The following NTM variants were observed in gnomAD, a reference collection of about 807,000 sequenced individuals.
NTM encodes neurotrimin, also known as IgLON family member 2.
A neutral mutation model predicts 42.1 loss-of-function variants in NTM; 13 were observed. The ratio of observed to expected loss-of-function variants is 0.31; its 90% CI spans 0.20 to 0.49. The LOEUF (loss-of-function observed/expected upper bound fraction) is 0.49, where lower values mean the gene tolerates loss of function less well. Among genes scored for constraint, NTM ranks in the 20% least tolerant of loss-of-function variants. The pLI, the probability that NTM is intolerant of heterozygous loss-of-function variation, is 0.99. For synonymous variants in NTM, 187 were observed against 179.2 expected (o/e 1.04, Z -0.35); for missense variants, 373 against 452.8 (o/e 0.82, Z 1.60).
chr11:131,427,965 C>T (rs1591637423), intron 1 of NTM, among the ~76,000 whole-genome samples: 1 of 152,176 alleles, frequency 6.6e-6, no homozygotes, highest in South Asian at 2.1e-4. Context: ...TACATGTCGA[C>T]ATACCATCTG....
intron 1 of NTM, among the ~76,000 whole-genome samples, chr11:131,832,263 T>G (rs947193680): frequency 2.6e-5 from 4 of 151,990 alleles, no homozygotes; most frequent in Admixed American, 2.6e-4. Context: ...GAGTAATTTT[T>G]TCACTTGCTA....
At chr11:132,213,333 G>C (rs1235558009) in intron 4 of NTM, among the ~76,000 whole-genome samples, 4 of 152,128 alleles carry the variant, frequency 2.6e-5, no homozygotes, top group Non-Finnish European at 4.4e-5. Context: ...GGGGAGCTCT[G>C]AAGCTAGGAT....
intron 1 of NTM, among the ~76,000 whole-genome samples, chr11:131,899,157 A>G (rs1341638441): frequency 7.2e-6 from 1 of 139,432 alleles, no homozygotes; most frequent in Non-Finnish European, 1.5e-5. Flanking sequence ...TGTCCAAGGT[A>G]AATTCAGAGG....
chr11:131,507,404 C>T (rs113520388), intron 1 of NTM, among the ~76,000 whole-genome samples: 3,208 of 151,158 alleles, frequency 0.021, 120 homozygotes, highest in African/African-American at 0.071. Context: ...CTGTTCTGTT[C>T]CATTGATCTA....
rs139150055 is a variant in NTM at position 131,479,915 on chromosome 11, A to G, written c.82+109027A>G. Among the ~76,000 whole-genome samples, 698 of 152,306 alleles carry G rather than the reference A, an allele frequency of 4.6e-3. 5 individuals carry two copies. The highest frequency in any genetic ancestry group is 0.016 in the African/African-American group (671 of 41,572). On this transcript the variant is annotated intron_variant, in intron 1 of 8. Coordinates refer to ENST00000683400, the MANE Select transcript of NTM (RefSeq NM_001352005.2). ...TTTTTTTTTAAAAAAATCAAAATCA[A>G]TGTTAAAAAAGTATTAACAAAATAT...
At chr11:131,996,182 A>G (rs935475980) in intron 2 of NTM, among the ~76,000 whole-genome samples, 1 of 152,130 alleles carries the variant, frequency 6.6e-6, no homozygotes, top group African/African-American at 2.4e-5. Flanking sequence ...TTCAGTAGGG[A>G]CATGATCAAT....
intron 2 of NTM, among the ~76,000 whole-genome samples, chr11:131,951,651 G>A (rs371529058): frequency 2.6e-5 from 4 of 151,868 alleles, no homozygotes; most frequent in African/African-American, 4.8e-5. Flanking sequence ...GTGAAACCCC[G>A]TTTCTACTAA....
intron 2 of NTM, among the ~76,000 whole-genome samples, chr11:132,045,036 G>A (rs1211933018): frequency 6.6e-6 from 1 of 152,170 alleles, no homozygotes; most frequent in Non-Finnish European, 1.5e-5. Context: ...TATGAGGCCA[G>A]CATTAGCCTG....
chr11:131,388,506 C>A (rs1243116226), intron 1 of NTM, among the ~76,000 whole-genome samples: 1 of 149,362 alleles, frequency 6.7e-6, no homozygotes, highest in Non-Finnish European at 1.5e-5. Context: ...CTACCTTTTG[C>A]CCGTAAGTAT....
intron 1 of NTM, among the ~76,000 whole-genome samples, chr11:131,484,843 T>C (rs1273895057): frequency 6.6e-6 from 1 of 152,120 alleles, no homozygotes; most frequent in Non-Finnish European, 1.5e-5. Flanking sequence ...ATTCAAAATA[T>C]AATTATAAGA....
At chr11:132,226,363 T>G (rs950458130) in intron 4 of NTM, among the ~76,000 whole-genome samples, 1 of 152,160 alleles carries the variant, frequency 6.6e-6, no homozygotes, top group Non-Finnish European at 1.5e-5. Context: ...ACATCCTCTC[T>G]AGCATCTGTT....
chr11:132,312,368 G>A (rs565112354), intron 6 of NTM: 2 of 152,352 alleles, frequency 1.3e-5, no homozygotes, highest in East Asian at 1.9e-4. Flanking sequence ...TCAACTGCAC[G>A]CTATTGTATG....
chr11:132,329,194 G>A (rs2136413530), intron 7 of NTM, among the ~76,000 whole-genome samples: 1 of 152,328 alleles, frequency 6.6e-6, no homozygotes, highest in East Asian at 1.9e-4. Flanking sequence ...TTTGCACAGA[G>A]AACACAGACT....
At chr11:132,031,268 A>G (rs1183437295) in intron 2 of NTM, among the ~76,000 whole-genome samples, 1 of 152,166 alleles carries the variant, frequency 6.6e-6, no homozygotes, top group African/African-American at 2.4e-5. Context: ...CTCTTTTTGT[A>G]AAGGGAAGTC....
intron 1 of NTM, among the ~76,000 whole-genome samples, chr11:131,813,698 C>T (rs1313635854): frequency 1.3e-5 from 2 of 152,178 alleles, no homozygotes. Flanking sequence ...TTATTAGATA[C>T]ATTCAGCTCT....
chr11:132,168,666 T>C (rs2075653199), intron 3 of NTM, among the ~76,000 whole-genome samples: 1 of 152,234 alleles, frequency 6.6e-6, no homozygotes, highest in South Asian at 2.1e-4. Flanking sequence ...AAACCTTAAG[T>C]CCAGAGCATA....
intron 1 of NTM, among the ~76,000 whole-genome samples, chr11:131,418,542 A>G (rs781072523): frequency 4.6e-5 from 7 of 152,246 alleles, no homozygotes; most frequent in Non-Finnish European, 1.0e-4. Flanking sequence ...GGGAACAAAC[A>G]GCATGTGAAT....
At chr11:132,113,374 C>T (rs968665629) in intron 2 of NTM, among the ~76,000 whole-genome samples, 2 of 152,218 alleles carry the variant, frequency 1.3e-5, no homozygotes, top group African/African-American at 2.4e-5. Context: ...GGAAAGCTAT[C>T]TTAACATCCT....
At chr11:131,966,124 T>TA (rs555515078) in intron 2 of NTM, among the ~76,000 whole-genome samples, 5 of 152,184 alleles carry the variant, frequency 3.3e-5, no homozygotes, top group South Asian at 2.1e-4. Flanking sequence ...ATTTGTGTGA[T>TA]AAAAAAATGA....
Sources: allele counts gnomAD v4.1 joint callset (sites outside exome capture counted in the v4.1 genomes callset), GRCh38; gene constraint gnomAD v4.1.1; transcripts MANE v1.5; gene names NCBI Gene and HGNC (gene_info 2026-07-23, HGNC 2026-07-21).